The following ZDHHC11B variants were observed in gnomAD, a reference collection of about 807,000 sequenced individuals.
The protein encoded by ZDHHC11B is probable palmitoyltransferase ZDHHC11B.
A neutral mutation model predicts 42.3 loss-of-function variants in ZDHHC11B; 17 were observed. The ratio of observed to expected loss-of-function variants is 0.40; its 90% CI spans 0.27 to 0.60. The LOEUF is 0.60. Among genes scored for constraint, ZDHHC11B ranks in the 20% least tolerant of loss-of-function variants. The pLI is 0.41. For missense variants in ZDHHC11B, 262 were observed against 463.2 expected, an observed-to-expected ratio of 0.57 and a Z score of 3.99; for synonymous variants, 123 against 193.5, an observed-to-expected ratio of 0.64 and a Z score of 3.02.
At chr5:715,822 C>T (rs548524195) in intron 13 of ZDHHC11B, among the ~76,000 whole-genome samples, 2 of 151,526 alleles carry the variant, frequency 1.3e-5, no homozygotes, top group South Asian at 2.1e-4. Flanking sequence ...CAGGGCTGTG[C>T]TGCTGGGAGA....
At chr5:777,924 C>T (rs1247304355) in intron 1 of ZDHHC11B, among the ~76,000 whole-genome samples, 3 of 151,472 alleles carry the variant, frequency 2.0e-5, no homozygotes, top group South Asian at 2.1e-4. Context: ...GGAGGGGGGG[C>T]GTGGCCTCGG....
At chr5:747,154 C>T (rs1744939948) in intron 8 of ZDHHC11B, among the ~76,000 whole-genome samples, 2 of 95,366 alleles carry the variant, frequency 2.1e-5, no homozygotes, top group African/African-American at 6.9e-5. Context: ...TTGAAGGAGG[C>T]CCAAATGACT....
rs1259694582 is a variant in ZDHHC11B, at chr5:754,382, A to T, written c.503+616T>A. Among the ~76,000 whole-genome samples the T allele has an allele frequency of 2.2e-5, 2 of 92,070 alleles. 1 individual carries two copies. The highest frequency in any genetic ancestry group is 4.5e-5 in the Non-Finnish European group (2 of 44,068). The allele number at this position is 92,070 out of a possible 152,430, so 60.4% of individuals were successfully genotyped here. A position where few individuals can be genotyped will look rare whatever the true frequency, so the allele number is the denominator to read the frequency against. On this transcript the variant is annotated intron_variant, in intron 6 of 13. Transcript: ENST00000508859. The stretch of plus-strand genomic sequence containing the variant: ...ACCGTGATCAGGGGAAACACCTCTC[A>T]TCCTTGTGCCTCCACCATGCTCAGG...
chr5:771,900 C>T (rs564575973), intron 1 of ZDHHC11B, among the ~76,000 whole-genome samples: 99 of 147,750 alleles, frequency 6.7e-4, no homozygotes, highest in Non-Finnish European at 1.2e-3. Context: ...TGGGGCCCGC[C>T]TGGGAGCAAA....
chr5:764,249 T>C (rs1341791270), intron 4 of ZDHHC11B, among the ~76,000 whole-genome samples: 2 of 151,920 alleles, frequency 1.3e-5, no homozygotes, highest in African/African-American at 4.8e-5. Context: ...CCTCGCTCAC[T>C]CTCGGCACCT....
chr5:760,116 A>G (rs1734400318), intron 4 of ZDHHC11B, among the ~76,000 whole-genome samples: 1 of 151,774 alleles, frequency 6.6e-6, no homozygotes, highest in Non-Finnish European at 1.5e-5. Flanking sequence ...AGCAGGTGAC[A>G]GCTCAGAGGC....
intron 9 of ZDHHC11B, among the ~76,000 whole-genome samples, chr5:743,266 T>A (rs1412413153): frequency 3.3e-5 from 5 of 149,714 alleles, no homozygotes; most frequent in African/African-American, 1.2e-4. Flanking sequence ...TGTAGCTTTA[T>A]GTCTCTCTCT....
At chr5:719,217 A>T (rs399993) in intron 12 of ZDHHC11B, among the ~76,000 whole-genome samples, 74,219 of 149,614 alleles carry the variant, frequency 0.5, 14,606 homozygotes, top group African/African-American at 0.55. Flanking sequence ...ATTTTTAGAG[A>T]TACCACATTA....
At chr5:767,275 C>G (rs112861034) in intron 3 of ZDHHC11B, 117 bp downstream of exon 3, 14 of 1,229,568 alleles carry the variant, frequency 1.1e-5, no homozygotes, top group Middle Eastern at 2.0e-4. Context: ...GAGCTGCCAT[C>G]TGGACGGCTG....
chr5:772,833 G>A (rs1736168024), intron 1 of ZDHHC11B, among the ~76,000 whole-genome samples: 1 of 151,888 alleles, frequency 6.6e-6, no homozygotes, highest in East Asian at 1.9e-4. Context: ...GGGGTCTCAC[G>A]TGGGGACTCG....
intron 9 of ZDHHC11B, among the ~76,000 whole-genome samples, chr5:742,934 T>C (rs1579308748): frequency 1.3e-5 from 2 of 149,658 alleles, no homozygotes; most frequent in South Asian, 4.5e-4. Context: ...GATTTCATTC[T>C]ATGCTTGTTT....
intron 12 of ZDHHC11B, among the ~76,000 whole-genome samples, chr5:730,140 A>C (rs574964842): frequency 1.3e-5 from 2 of 151,880 alleles, no homozygotes; most frequent in East Asian, 1.9e-4. Context: ...AAACATTAAA[A>C]AACATTCAGG....
intron 1 of ZDHHC11B, among the ~76,000 whole-genome samples, chr5:777,247 GGT>G (rs1736585937): frequency 6.6e-6 from 1 of 151,866 alleles, no homozygotes; most frequent in Non-Finnish European, 1.5e-5. Context: ...AGCTCTTCAA[GGT>G]GACGCCTCTG....
Position 736,499 on chromosome 5 carries a change from C to T in ZDHHC11B, c.936-2660G>A, listed in dbSNP as rs540924937. 7.5e-4 allele frequency among the ~76,000 whole-genome samples: 113 copies of T among 149,720 alleles called. 7 individuals are homozygous for T. The highest frequency in any genetic ancestry group is 2.6e-3 in the African/African-American group (105 of 40,684). ...ACAGATATTTACAGAACATTCTACC[C>T]AACAGCTGCAGAATGTACATTCTTT... On this transcript the variant is annotated intron_variant, in intron 10 of 13. Transcript: ENST00000508859.
Position 767,078 on chromosome 5 carries a change from G to C in ZDHHC11B, c.1-159C>G, listed in dbSNP as rs1323607984. ...CCTGGGGCCACGTTCCCCGCAGAGG[G>C]AGCAGGGGTTGGGCTGGAGTCGGTG... is the stretch of plus-strand genomic sequence containing the variant. On this transcript the variant is annotated intron_variant, in intron 3 of 13. Coordinates refer to ENST00000508859, the MANE Select transcript of ZDHHC11B (RefSeq NM_001351303.2). 8.1e-6 allele frequency: 8 copies of C among 991,174 alleles called. No homozygotes were observed. In the African/African-American group the frequency reaches 1.2e-4, roughly 15 times the overall value. The allele number at this position is 991,174 out of a possible 1,614,324, so 61.4% of individuals were successfully genotyped here. A position where few individuals can be genotyped will look rare whatever the true frequency, so the allele number is the denominator to read the frequency against.
chr5:784,312 C>G (rs905191), intron 1 of ZDHHC11B, among the ~76,000 whole-genome samples: 146,196 of 151,840 alleles, frequency 0.96, 70,290 homozygotes, highest in African/African-American at 0.99. Context: ...CCGGGCTGGG[C>G]AGGGTCTGGA....
At chr5:783,014 T>TA (rs1736970397) in intron 1 of ZDHHC11B, among the ~76,000 whole-genome samples, 1 of 151,554 alleles carries the variant, frequency 6.6e-6, no homozygotes, top group Middle Eastern at 3.2e-3. Flanking sequence ...ACCGCAGCTG[T>TA]AAGATTAAAA....
chr5:729,681 C>T (rs446678), intron 12 of ZDHHC11B, among the ~76,000 whole-genome samples: 10,969 of 147,594 alleles, frequency 0.074, 158 homozygotes, highest in East Asian at 0.22. Context: ...AGTGTAGGAG[C>T]GCAATATCTA....
chr5:775,385 G>T (rs1356056989), intron 1 of ZDHHC11B, among the ~76,000 whole-genome samples: 2 of 151,952 alleles, frequency 1.3e-5, no homozygotes, highest in African/African-American at 2.4e-5. Context: ...GCACCCGATG[G>T]CCTCATGCAG....
Sources: gnomAD v4.1 joint callset for allele counts (sites outside exome capture counted in the v4.1 genomes callset) on GRCh38, gnomAD v4.1.1 for gene constraint, MANE v1.5 for transcripts, NCBI Gene and HGNC (gene_info 2026-07-23, HGNC 2026-07-21) for gene names.